Variants in TBC1D14 observed in about 807,000 individuals in gnomAD.
TBC1D14 encodes TBC1 domain family member 14.
Under a neutral mutation model 79.0 loss-of-function variants are expected in TBC1D14, and 26 were observed. The observed-to-expected ratio is 0.33, with a 90% CI of 0.24 to 0.46. TBC1D14 has a LOEUF of 0.46. Ranked by LOEUF, TBC1D14 falls within the 20% of genes least tolerant of loss-of-function variation. The pLI, the probability that TBC1D14 is intolerant of heterozygous loss-of-function variation, is 1.00. For missense variants in TBC1D14, 769 were observed against 887.6 expected (o/e 0.87, Z 1.70); for synonymous variants, 394 against 349.9 (o/e 1.13, Z -1.40).
chr4:7,009,895 A>G lies in TBC1D14; in HGVS notation c.1465A>G (p.Met489Val). ...CTTTTAGGGTGGTCCATATCATGAC[A>G]TGTTGCACAGTATTTTGGGCGCTTA... The part of the protein sequence containing the change: ...IFQQGGPYHD[M>V]LHSILGAYTC... The change falls in exon 10 of 14, where the codon ATG (methionine) becomes GTG (valine). Residue 489 changes from methionine to valine, a missense_variant. Transcript: ENST00000409757. 1 of 1,614,146 alleles carries G rather than the reference A, an allele frequency of 6.2e-7. No homozygotes were observed. Among genetic ancestry groups the G allele is most frequent in the Non-Finnish European group, 8.5e-7 (1 of 1,180,026 alleles).
chr4:6,922,532 C>G (rs538931248), intron 1 of TBC1D14, among the ~76,000 whole-genome samples: 1 of 152,136 alleles, frequency 6.6e-6, no homozygotes, highest in Non-Finnish European at 1.5e-5. Flanking sequence ...CACCCAGCCT[C>G]GTAGATGTGA....
chr4:6,987,359 G>T (rs1462202382), intron 3 of TBC1D14: 1 of 1,421,398 alleles, frequency 7.0e-7, no homozygotes, highest in Non-Finnish European at 9.2e-7. Context: ...GGTGAGTCGG[G>T]GTGCGGGCCG....
rs1398929225 is a variant in TBC1D14 at position 7,004,850 on chromosome 4, T to G, written c.1277T>G (p.Phe426Cys). ...GNELNITHEL[F>C]DICLARAKER... is the part of the protein sequence containing the mutation. ...CCAGAGGCTTTTCTTCCAGAGCTCT[T>G]TGACATCTGTCTTGCCCGAGCCAAG... The change falls in exon 8 of 14, where the codon TTT becomes TGT. Residue 426 changes from phenylalanine to cysteine, a missense_variant. By Grantham distance (205) the Phe-to-Cys change is radical. Transcript: ENST00000409757. 6.2e-7 allele frequency: 1 copy of G among 1,614,154 alleles called. No individual in the cohort carries two copies. The highest frequency in any genetic ancestry group is 8.5e-7 in the Non-Finnish European group (1 of 1,180,006).
intron 2 of TBC1D14, among the ~76,000 whole-genome samples, chr4:6,949,873 T>C (rs1713865178): frequency 6.6e-6 from 1 of 152,050 alleles, no homozygotes; most frequent in South Asian, 2.1e-4. Flanking sequence ...CGTTGGGTAG[T>C]GTTTGTTGTA....
At chr4:6,913,593 C>T (rs1314812975) in intron 1 of TBC1D14, among the ~76,000 whole-genome samples, 1 of 152,124 alleles carries the variant, frequency 6.6e-6, no homozygotes, top group Non-Finnish European at 1.5e-5. Flanking sequence ...CCTTGGCAGG[C>T]TTGTGATTAT....
chr4:6,955,233 G>C (rs1274272881), intron 2 of TBC1D14, among the ~76,000 whole-genome samples: 3 of 152,196 alleles, frequency 2.0e-5, no homozygotes, highest in African/African-American at 7.2e-5. Context: ...GTCAGTTTTT[G>C]GGGGGTGGAG....
intron 12 of TBC1D14, among the ~76,000 whole-genome samples, chr4:7,015,350 G>A (rs1314595042): frequency 6.6e-6 from 1 of 152,162 alleles, no homozygotes; most frequent in Non-Finnish European, 1.5e-5. Flanking sequence ...GAGAATCATG[G>A]TCAGCTCTTG....
At chr4:6,996,085 C>T (rs1194871974) in intron 4 of TBC1D14, among the ~76,000 whole-genome samples, 1 of 152,144 alleles carries the variant, frequency 6.6e-6, no homozygotes, top group East Asian at 1.9e-4. Flanking sequence ...ATCCGCCTGC[C>T]TCGGCCTCCC....
At chr4:7,011,834 A>G (rs943373789) in intron 11 of TBC1D14, among the ~76,000 whole-genome samples, 17 of 151,980 alleles carry the variant, frequency 1.1e-4, no homozygotes, top group Admixed American at 7.9e-4. Context: ...CTGGGATTAC[A>G]GGCGTGAGCC....
chr4:6,976,133 G>C (rs1716694026), intron 3 of TBC1D14, among the ~76,000 whole-genome samples: 1 of 152,064 alleles, frequency 6.6e-6, no homozygotes, highest in Non-Finnish European at 1.5e-5. Flanking sequence ...GCATAGTACA[G>C]AGAAAAAAAT....
At chr4:6,919,631 T>C (rs111728515) in intron 1 of TBC1D14, among the ~76,000 whole-genome samples, 3,634 of 152,250 alleles carry the variant, frequency 0.024, 145 homozygotes, top group African/African-American at 0.083. Flanking sequence ...TATTTATTTA[T>C]TTATTTTGAG....
chr4:7,027,528 ACAC>A (rs768482903), intron 13 of TBC1D14, among the ~76,000 whole-genome samples: 9 of 144,576 alleles, frequency 6.2e-5, no homozygotes, highest in Non-Finnish European at 1.1e-4. Flanking sequence ...CACCCCACAC[ACAC>A]ATCACATACA....
intron 2 of TBC1D14, among the ~76,000 whole-genome samples, chr4:6,929,876 G>A (rs1328058738): frequency 1.3e-5 from 2 of 152,202 alleles, no homozygotes; most frequent in Non-Finnish European, 2.9e-5. Context: ...GCTTTCTAAA[G>A]CATTTCACAG....
At chr4:6,922,207 C>T (rs938847949) in intron 1 of TBC1D14, among the ~76,000 whole-genome samples, 4 of 152,168 alleles carry the variant, frequency 2.6e-5, no homozygotes, top group African/African-American at 9.7e-5. Flanking sequence ...GCATGTGCCA[C>T]CACCCCCAGT....
chr4:6,931,892 G>A (rs1300495063), intron 2 of TBC1D14, among the ~76,000 whole-genome samples: 1 of 152,062 alleles, frequency 6.6e-6, no homozygotes, highest in Admixed American at 6.6e-5. Flanking sequence ...CTAGCAGAGG[G>A]TGCTGATGGT....
At chr4:6,948,714 T>G (rs1191001285) in intron 2 of TBC1D14, among the ~76,000 whole-genome samples, 1 of 150,900 alleles carries the variant, frequency 6.6e-6, no homozygotes, top group African/African-American at 2.4e-5. Flanking sequence ...TTGGTTTTTT[T>G]TTTTTTTTTG....
chr4:6,948,964 G>A (rs908447378), intron 2 of TBC1D14, among the ~76,000 whole-genome samples: 4 of 151,820 alleles, frequency 2.6e-5, no homozygotes, highest in East Asian at 3.9e-4. Flanking sequence ...TTGGGAGGCC[G>A]AGGCGGGTGG....
At chr4:6,963,393 T>C (rs563343016) in intron 2 of TBC1D14, among the ~76,000 whole-genome samples, 1 of 152,362 alleles carries the variant, frequency 6.6e-6, no homozygotes, top group Non-Finnish European at 1.5e-5. Context: ...GCAGCACCAG[T>C]GTGGTCTCCC....
intron 2 of TBC1D14, among the ~76,000 whole-genome samples, chr4:6,938,848 A>T (rs1290923051): frequency 6.6e-6 from 1 of 152,148 alleles, no homozygotes; most frequent in African/African-American, 2.4e-5. Context: ...CCAGGGGCCC[A>T]GTGTTCCATT....
Sources: allele counts gnomAD v4.1 joint callset (sites outside exome capture counted in the v4.1 genomes callset), GRCh38; gene constraint gnomAD v4.1.1; transcripts MANE v1.5; gene names NCBI Gene and HGNC (gene_info 2026-07-23, HGNC 2026-07-21).